Variants in SLC24A2 observed in about 807,000 individuals in gnomAD.
SLC24A2 encodes the protein sodium/potassium/calcium exchanger 2.
In SLC24A2, 36 loss-of-function variants were observed where a neutral mutation model predicts 62.0. The observed-to-expected ratio is 0.58, with a 90% CI of 0.44 to 0.77. SLC24A2 has a LOEUF of 0.77. SLC24A2 is among the 30% of genes least tolerant of loss of function. The pLI is 0.00. For missense variants in SLC24A2, 846 were observed against 817.9 expected (o/e 1.03, Z -0.42); for synonymous variants, 358 against 294.0 (o/e 1.22, Z -2.23).
chr9:19,527,832 A>T (rs1028112404), intron 9 of SLC24A2, among the ~76,000 whole-genome samples: 4 of 152,220 alleles, frequency 2.6e-5, no homozygotes, highest in African/African-American at 7.2e-5. Flanking sequence ...CTGCCTCCAC[A>T]TGGCTGTCCA....
At chr9:19,655,518 T>C (rs1208977303) in intron 2 of SLC24A2, among the ~76,000 whole-genome samples, 1 of 152,232 alleles carries the variant, frequency 6.6e-6, no homozygotes. Context: ...TAATGAGGAC[T>C]CTTTGGAAAG....
chr9:19,676,372 G>A (rs530714488), intron 2 of SLC24A2, among the ~76,000 whole-genome samples: 3 of 152,306 alleles, frequency 2.0e-5, no homozygotes, highest in Admixed American at 6.5e-5. Flanking sequence ...CTGAGTGGGA[G>A]GTGCAATTTA....
intron 2 of SLC24A2, among the ~76,000 whole-genome samples, chr9:19,726,553 A>C (rs755383302): frequency 1.3e-5 from 2 of 152,134 alleles, no homozygotes; most frequent in African/African-American, 4.8e-5. Flanking sequence ...GCTCCTGGAG[A>C]CCTCAGCAAC....
chr9:19,725,102 G>A (rs1311607098), intron 2 of SLC24A2, among the ~76,000 whole-genome samples: 2 of 152,098 alleles, frequency 1.3e-5, no homozygotes. Flanking sequence ...TACCCCTAGA[G>A]GCATTTTTCA....
the SLC24A2 span, among the ~76,000 whole-genome samples, chr9:20,099,311 C>T: frequency 6.6e-6 from 1 of 152,188 alleles, no homozygotes; most frequent in Non-Finnish European, 1.5e-5. Flanking sequence ...GATTACAAAT[C>T]ATATAACTGT....
the SLC24A2 span, among the ~76,000 whole-genome samples, chr9:19,908,862 G>C: frequency 5.0e-3 from 761 of 152,198 alleles, 11 homozygotes; most frequent in African/African-American, 0.017. Context: ...GGAGAAATAG[G>C]AACACTTTTA....
the SLC24A2 span, among the ~76,000 whole-genome samples, chr9:19,996,267 G>C: frequency 1.3e-5 from 2 of 152,172 alleles, no homozygotes; most frequent in Non-Finnish European, 2.9e-5. Context: ...TGTTTTAGGA[G>C]AGTGATTGAA....
chr9:20,134,959 G>GTATT, the SLC24A2 span, among the ~76,000 whole-genome samples: 1 of 152,132 alleles, frequency 6.6e-6, no homozygotes, highest in Non-Finnish European at 1.5e-5. Flanking sequence ...GTAGGTTTAT[G>GTATT]TATTTCTCAG....
intron 2 of SLC24A2, among the ~76,000 whole-genome samples, chr9:19,777,250 A>G (rs1822872517): frequency 6.6e-6 from 1 of 152,216 alleles, no homozygotes; most frequent in Admixed American, 6.5e-5. Context: ...TCATAAACAT[A>G]TGTTTCAAAG....
At chr9:19,784,978 T>C (rs2118942036) in intron 2 of SLC24A2, among the ~76,000 whole-genome samples, 1 of 152,328 alleles carries the variant, frequency 6.6e-6, no homozygotes, top group Non-Finnish European at 1.5e-5. Context: ...ATCTGTTTTT[T>C]GCATATATGA....
chr9:19,736,716 G>A (rs76426285), intron 2 of SLC24A2, among the ~76,000 whole-genome samples: 1 of 152,184 alleles, frequency 6.6e-6, no homozygotes, highest in African/African-American at 2.4e-5. Context: ...GCCAAGTGTG[G>A]TCGTGTGCAC....
intron 2 of SLC24A2, among the ~76,000 whole-genome samples, chr9:19,739,780 A>T (rs1277559889): frequency 6.6e-6 from 1 of 152,212 alleles, no homozygotes; most frequent in African/African-American, 2.4e-5. Flanking sequence ...ACAAGACTAA[A>T]TAAGCATTAA....
rs183825196 is a variant in SLC24A2, at chr9:19,714,006, G to T, written c.930+71931C>A. On this transcript the variant is annotated intron_variant, in intron 2 of 10. Transcript: ENST00000341998. The stretch of plus-strand genomic sequence containing the variant: ...ACCTGGATCTAGCCAATTATTAAAT[G>T]AAGTTCCATAATACCTCAGTTCCTA... Among the ~76,000 whole-genome samples, 23 of 152,288 alleles carry T rather than the reference G, an allele frequency of 1.5e-4. No individual in the cohort carries two copies. The East Asian group carries it at 2.3e-3, about 15-fold the overall frequency.
chr9:19,688,047 T>G (rs1047160990), intron 2 of SLC24A2, among the ~76,000 whole-genome samples: 8 of 152,182 alleles, frequency 5.3e-5, no homozygotes, highest in African/African-American at 1.9e-4. Flanking sequence ...CGAAAAGCTC[T>G]GTGAAGGCTC....
chr9:20,305,185 T>G, the SLC24A2 span, among the ~76,000 whole-genome samples: 1 of 151,112 alleles, frequency 6.6e-6, no homozygotes, highest in Non-Finnish European at 1.5e-5. Flanking sequence ...CTCGTCTCCC[T>G]GCATCTCTGC....
At chr9:20,173,116 T>C in the SLC24A2 span, among the ~76,000 whole-genome samples, 680 of 152,114 alleles carry the variant, frequency 4.5e-3, 3 homozygotes, top group African/African-American at 0.014. Context: ...GAAAAAACAT[T>C]TGACAAAATC....
chr9:19,720,220 T>C (rs1820982509), intron 2 of SLC24A2, among the ~76,000 whole-genome samples: 1 of 152,252 alleles, frequency 6.6e-6, no homozygotes, highest in African/African-American at 2.4e-5. Context: ...TTTAAATTTG[T>C]AATTTATTAT....
the SLC24A2 span, among the ~76,000 whole-genome samples, chr9:20,288,041 A>ACACAC: frequency 2.0e-5 from 3 of 146,682 alleles, no homozygotes; most frequent in East Asian, 5.8e-4. Context: ...TTAGGAAAAA[A>ACACAC]ACACACACAC....
At chr9:20,280,718 G>A in the SLC24A2 span, among the ~76,000 whole-genome samples, 1 of 152,124 alleles carries the variant, frequency 6.6e-6, no homozygotes, top group Non-Finnish European at 1.5e-5. Flanking sequence ...TTGGTAACAG[G>A]GTTTTAGAAG....
Sources: gnomAD v4.1 joint callset for allele counts (sites outside exome capture counted in the v4.1 genomes callset) on GRCh38, gnomAD v4.1.1 for gene constraint, MANE v1.5 for transcripts, NCBI Gene and HGNC (gene_info 2026-07-23, HGNC 2026-07-21) for gene names.